ATXN8OS: variants seen among roughly 807,000 people sequenced by gnomAD.
ATXN8OS encodes ATXN8 opposite strand (non-protein coding).
At position 70,166,852 on chromosome 13, in the gene ATXN8OS, A is replaced by G. The variant is rs1408002760; in HGVS notation, n.574-2901A>G. 1.3e-4 allele frequency among the ~76,000 whole-genome samples: 20 copies of G among 151,922 alleles called. 1 individual carries two copies. Among genetic ancestry groups the G allele is most frequent in the African/African-American group, 3.4e-4 (14 of 41,416 alleles). Reference sequence around the variant, plus strand: ...AAAACAACCCCATCAAAAAGTGGGCAAAGGATATAAACAGACACTTCTCAA... The same window carrying G: ...AAAACAACCCCATCAAAAAGTGGGCGAAGGATATAAACAGACACTTCTCAA... On this transcript the variant is annotated intron_variant and non_coding_transcript_variant, in intron 4 of 4. Transcript: ENST00000678624.
intron 1 of ATXN8OS, chr13:70,108,394 G>T (rs1888130386): frequency 5.9e-6 from 1 of 169,150 alleles, no homozygotes; most frequent in African/African-American, 2.4e-5. Context: ...ATATTCTAGC[G>T]CATATAGGGA....
At chr13:70,120,404 C>A (rs532156745) in intron 2 of ATXN8OS, among the ~76,000 whole-genome samples, 52 of 152,148 alleles carry the variant, frequency 3.4e-4, no homozygotes, top group Admixed American at 7.9e-4. Context: ...ACAAGACCAT[C>A]TAATATAGAC....
At chr13:70,113,029 T>C (rs1031747406) in intron 1 of ATXN8OS, among the ~76,000 whole-genome samples, 14 of 150,990 alleles carry the variant, frequency 9.3e-5, no homozygotes, top group Admixed American at 8.6e-4. Context: ...TTCAAGTGAT[T>C]CTCTTGCCTC....
chr13:70,128,253 G>GA (rs1888473310), intron 2 of ATXN8OS, among the ~76,000 whole-genome samples: 1 of 152,060 alleles, frequency 6.6e-6, no homozygotes, highest in African/African-American at 2.4e-5. Flanking sequence ...GTCATTAAGT[G>GA]AAAATGGGCA....
intron 4 of ATXN8OS, among the ~76,000 whole-genome samples, chr13:70,153,200 A>G (rs1416993724): frequency 6.6e-6 from 1 of 152,154 alleles, no homozygotes; most frequent in Non-Finnish European, 1.5e-5. Flanking sequence ...TAAAGAGTGA[A>G]TGGAGTAGGC....
At chr13:70,166,849 G>T (rs1889081748) in intron 4 of ATXN8OS, among the ~76,000 whole-genome samples, 1 of 151,730 alleles carries the variant, frequency 6.6e-6, no homozygotes. Flanking sequence ...TCAAAAAGTG[G>T]GCAAAGGATA....
In ATXN8OS at chr13:70,110,412, A is replaced by C. The variant is rs375311225; in HGVS notation, n.240+2393A>C. Among the ~76,000 whole-genome samples the C allele has an allele frequency of 4.6e-5, 7 of 152,252 alleles. No individual in the cohort carries two copies. The East Asian group carries it at 1.2e-3, about 25-fold the overall frequency. ...TAAGAATTAAATTACGCATGAAGTT[A>C]TGTTAAACTGAAATGACTGACAAAG... On this transcript the variant is annotated intron_variant and non_coding_transcript_variant, in intron 1 of 4. Transcript: ENST00000678624.
chr13:70,158,154 T>G (rs1026661600), intron 4 of ATXN8OS, among the ~76,000 whole-genome samples: 1 of 152,114 alleles, frequency 6.6e-6, no homozygotes, highest in Non-Finnish European at 1.5e-5. Flanking sequence ...GCGTGGTGGC[T>G]CACACCTGTA....
At chr13:70,166,547 A>G (rs899808535) in intron 4 of ATXN8OS, among the ~76,000 whole-genome samples, 8 of 152,070 alleles carry the variant, frequency 5.3e-5, no homozygotes, top group African/African-American at 1.9e-4. Flanking sequence ...TGTTAGACCT[A>G]AAACCATAAA....
chr13:70,108,758 T>A (rs1888148338), intron 1 of ATXN8OS, among the ~76,000 whole-genome samples: 1 of 152,238 alleles, frequency 6.6e-6, no homozygotes, highest in Non-Finnish European at 1.5e-5. Context: ...GTTTGCAGGT[T>A]GCAGGTTAAT....
intron 4 of ATXN8OS, among the ~76,000 whole-genome samples, chr13:70,156,694 A>G (rs575823929): frequency 2.4e-4 from 37 of 152,282 alleles, no homozygotes; most frequent in African/African-American, 8.4e-4. Context: ...AATGTTTTCT[A>G]TGAGAAGCAT....
In ATXN8OS at chr13:70,139,383, A is replaced by ACTGCTGCTGCTGCTGCTG. The variant is rs193922930; in HGVS notation, n.500-7943_500-7926dup. 1.9e-3 allele frequency: 848 copies of ACTGCTGCTGCTGCTGCTG among 458,252 alleles called. 81 individuals are homozygous for ACTGCTGCTGCTGCTGCTG. The highest frequency in any genetic ancestry group is 5.7e-3 in the African/African-American group (185 of 32,256). 28.4% of individuals were successfully genotyped at this position (458,252 alleles called of 1,614,324 possible). On this transcript the variant is annotated intron_variant and non_coding_transcript_variant, in intron 3 of 4. Transcript: ENST00000678624. ...TACTACTACTACTACTACTACTACT[A>ACTGCTGCTGCTGCTGCTG]CTGCTGCTGCTGCTGCTGCTGCTGC...
Position 70,112,016 on chromosome 13 carries a change from G to A in ATXN8OS, n.241-3125G>A, listed in dbSNP as rs776891830. 6.4e-4 allele frequency among the ~76,000 whole-genome samples: 97 copies of A among 152,316 alleles called. 2 individuals are homozygous for A. Among genetic ancestry groups the A allele is most frequent in the South Asian group, 2.3e-3 (11 of 4,824 alleles). ...AGTTTAATCAGCTCACAGTTCTGCA[G>A]AGTGTACAGCCTTCTGCTTCTGGGG... On this transcript the variant is annotated intron_variant and non_coding_transcript_variant, in intron 1 of 4. Coordinates refer to ENST00000678624, the Ensembl canonical transcript of ATXN8OS.
At chr13:70,108,944 C>A (rs1476990284) in intron 1 of ATXN8OS, among the ~76,000 whole-genome samples, 1 of 152,286 alleles carries the variant, frequency 6.6e-6, no homozygotes, top group African/African-American at 2.4e-5. Flanking sequence ...GGGCCAGAGG[C>A]GTACGGTAGA....
chr13:70,119,259 A>G (rs1157113057), intron 2 of ATXN8OS, among the ~76,000 whole-genome samples: 2 of 152,150 alleles, frequency 1.3e-5, no homozygotes, highest in Non-Finnish European at 2.9e-5. Context: ...AGGCCTAGTT[A>G]GCAATCACAC....
chr13:70,131,637 C>T, intron 3 of ATXN8OS: 1 of 396,728 alleles, frequency 2.5e-6, no homozygotes, highest in Non-Finnish European at 4.4e-6. Flanking sequence ...GAGCTCAGCT[C>T]AGATATCCTT....
intron 4 of ATXN8OS, among the ~76,000 whole-genome samples, chr13:70,149,696 C>T (rs1888838704): frequency 6.6e-6 from 1 of 152,114 alleles, no homozygotes; most frequent in Non-Finnish European, 1.5e-5. Flanking sequence ...GGAATAACAA[C>T]AGCATGCCAT....
intron 2 of ATXN8OS, among the ~76,000 whole-genome samples, chr13:70,125,099 C>T (rs1010831575): frequency 3.3e-5 from 5 of 151,990 alleles, no homozygotes; most frequent in African/African-American, 1.2e-4. Flanking sequence ...AGGTTTCATT[C>T]ACCACTGAAT....
chr13:70,165,085 C>A (rs1024191267), intron 4 of ATXN8OS, among the ~76,000 whole-genome samples: 3 of 151,808 alleles, frequency 2.0e-5, no homozygotes, highest in African/African-American at 4.8e-5. Flanking sequence ...AAAAGATCTA[C>A]AGTGGCTTAA....
Sources: gnomAD v4.1 joint callset for allele counts (sites outside exome capture counted in the v4.1 genomes callset) on GRCh38, gnomAD v4.1.1 for gene constraint, MANE v1.5 for transcripts, NCBI Gene and HGNC (gene_info 2026-07-23, HGNC 2026-07-21) for gene names.